The following TLN2 variants were observed in gnomAD, a reference collection of about 807,000 sequenced individuals.
TLN2 encodes the protein talin-2.
In TLN2, 118 loss-of-function variants were observed where a neutral mutation model predicts 294.7. The observed-to-expected ratio is 0.40, with a 90% CI of 0.34 to 0.47. TLN2 has a LOEUF of 0.47. Among genes scored for constraint, TLN2 ranks in the 20% least tolerant of loss-of-function variants. The pLI, the probability that TLN2 is intolerant of heterozygous loss-of-function variation, is 0.84. For synonymous variants in TLN2, 1,431 were observed against 1,304.5 expected (o/e 1.10, Z -2.09); for missense variants, 3,083 against 3,282.2 (o/e 0.94, Z 1.48).
Position 62,414,098 on chromosome 15 carries a change from C to CCATTA in TLN2, c.-238+23416_-238+23420dup, listed in dbSNP as rs2033930867. The stretch of plus-strand genomic sequence containing the variant: ...TGTGGTTTTGGCTGTGGCAGCTGGG[C>CCATTA]CATTACAACTTCATAATCACATGTC... On this transcript the variant is annotated intron_variant, in intron 1 of 58. Coordinates refer to ENST00000636159, the MANE Select transcript of TLN2 (RefSeq NM_015059.3). Among the ~76,000 whole-genome samples, 3 of 124,730 alleles carry CCATTA rather than the reference C, an allele frequency of 2.4e-5. No individual in the cohort carries two copies. The South Asian group carries it at 1.1e-3, about 44-fold the overall frequency. The allele number at this position is 124,730 out of a possible 152,430, so 81.8% of individuals were successfully genotyped here. A position where few individuals can be genotyped will look rare whatever the true frequency, so the allele number is the denominator to read the frequency against.
At chr15:62,836,421 G>A (rs2069593214) in intron 57 of TLN2, among the ~76,000 whole-genome samples, 2 of 152,200 alleles carry the variant, frequency 1.3e-5, no homozygotes, top group South Asian at 4.1e-4. Flanking sequence ...CCCCTAGCCA[G>A]ACCACTCAGG....
chr15:62,622,803 A>G (rs887561281), intron 3 of TLN2, among the ~76,000 whole-genome samples: 4 of 152,194 alleles, frequency 2.6e-5, no homozygotes, highest in Admixed American at 6.5e-5. Context: ...GCACTGTGTC[A>G]TGGACACTCC....
chr15:62,444,505 CAT>C, intron 1 of TLN2, among the ~76,000 whole-genome samples: 1 of 152,320 alleles, frequency 6.6e-6, no homozygotes, highest in Non-Finnish European at 1.5e-5. Context: ...TGAATTGGTC[CAT>C]ATGTCTGCTT....
intron 1 of TLN2, among the ~76,000 whole-genome samples, chr15:62,495,255 C>G (rs149917221): frequency 6.6e-6 from 1 of 152,092 alleles, no homozygotes; most frequent in African/African-American, 2.4e-5. Flanking sequence ...GAGAGATGAA[C>G]GCGATACATG....
intron 1 of TLN2, among the ~76,000 whole-genome samples, chr15:62,537,310 C>T (rs866278665): frequency 5.3e-5 from 8 of 152,138 alleles, no homozygotes; most frequent in African/African-American, 1.7e-4. Flanking sequence ...CCACCGCGCC[C>T]GGCCTGTCAT....
At chr15:62,617,149 C>T (rs2048375626) in intron 2 of TLN2, among the ~76,000 whole-genome samples, 1 of 152,120 alleles carries the variant, frequency 6.6e-6, no homozygotes, top group Non-Finnish European at 1.5e-5. Context: ...TAGGCATTCT[C>T]AGGAGTGGGG....
At chr15:62,768,454 C>T (rs2063155526) in intron 41 of TLN2, among the ~76,000 whole-genome samples, 1 of 152,134 alleles carries the variant, frequency 6.6e-6, no homozygotes, top group South Asian at 2.1e-4. Context: ...GATTTAGAGC[C>T]CGTCCCGGTA....
At chr15:62,760,176 G>T (rs1339485661) in intron 37 of TLN2, among the ~76,000 whole-genome samples, 3 of 152,056 alleles carry the variant, frequency 2.0e-5, no homozygotes, top group African/African-American at 7.3e-5. Context: ...CCTGTCTGGT[G>T]GGGGAAGGGC....
chr15:62,795,634 G>T (rs1022941271), intron 46 of TLN2, among the ~76,000 whole-genome samples: 7 of 152,138 alleles, frequency 4.6e-5, no homozygotes, highest in African/African-American at 1.7e-4. Flanking sequence ...TTCCATCCCA[G>T]CAAAGGTGTG....
Position 62,776,915 on chromosome 15 carries a change from G to A in TLN2, c.5514+5G>A. The A allele has an allele frequency of 6.4e-7, 1 of 1,561,404 alleles. No individual in the cohort carries two copies. Among genetic ancestry groups the A allele is most frequent in the African/African-American group, 1.4e-5 (1 of 72,528 alleles). ...ATTGCAGAAGCCATGAGCAAGGTGG[G>A]CATGGGCTCTAGGGCTCTCTACTCC... On this transcript the variant is annotated splice_donor_5th_base_variant and intron_variant, in intron 43 of 58. Transcript: ENST00000636159.
At chr15:62,562,499 C>A (rs1270269319) in intron 1 of TLN2, among the ~76,000 whole-genome samples, 3 of 151,852 alleles carry the variant, frequency 2.0e-5, no homozygotes, top group Admixed American at 1.3e-4. Context: ...CTTGGCTCTG[C>A]CCCTTCTAGC....
intron 11 of TLN2, among the ~76,000 whole-genome samples, chr15:62,681,485 T>G (rs2056823938): frequency 6.6e-6 from 1 of 152,210 alleles, no homozygotes; most frequent in South Asian, 2.1e-4. Flanking sequence ...ACATCATATT[T>G]TCTTTTATGT....
intron 1 of TLN2, among the ~76,000 whole-genome samples, chr15:62,392,479 C>T (rs1446893918): frequency 6.6e-6 from 1 of 152,170 alleles, no homozygotes; most frequent in African/African-American, 2.4e-5. Context: ...TAAGGTTGCA[C>T]GCTGACCTCC....
In TLN2 at chr15:62,699,379, T is replaced by C. The variant is rs116224043; in HGVS notation, c.1587+512T>C. On this transcript the variant is annotated intron_variant, in intron 16 of 58. Coordinates refer to ENST00000636159, the MANE Select transcript of TLN2 (RefSeq NM_015059.3). ...GTTAAAATGAATGTTGCTGGACTCT[T>C]CCTCTATTTTTTTTTTTTTGGATCT... 4.3e-3 allele frequency among the ~76,000 whole-genome samples: 653 copies of C among 151,900 alleles called. 8 individuals carry two copies. The highest frequency in any genetic ancestry group is 0.014 in the African/African-American group (562 of 41,442).
intron 23 of TLN2, among the ~76,000 whole-genome samples, chr15:62,717,169 T>A (rs2059830107): frequency 6.6e-6 from 1 of 152,192 alleles, no homozygotes; most frequent in African/African-American, 2.4e-5. Context: ...AACTAAGGCT[T>A]CTGAGTGCTG....
At chr15:62,784,969 A>G (rs964697135) in intron 45 of TLN2, 4 of 152,230 alleles carry the variant, frequency 2.6e-5, no homozygotes, top group African/African-American at 9.6e-5. Context: ...TATTCCAGAA[A>G]TGAAGTCCCA....
intron 1 of TLN2, among the ~76,000 whole-genome samples, chr15:62,572,229 G>T (rs2043935171): frequency 6.6e-6 from 1 of 151,902 alleles, no homozygotes; most frequent in Non-Finnish European, 1.5e-5. Context: ...TGCTGTCATT[G>T]TCACCTCCTT....
chr15:62,737,823 C>T (rs1355226325), intron 29 of TLN2, among the ~76,000 whole-genome samples: 5 of 152,314 alleles, frequency 3.3e-5, no homozygotes, highest in African/African-American at 7.2e-5. Flanking sequence ...CCTTCCACCT[C>T]GGCGACCTCA....
chr15:62,768,016 A>C (rs1351006762), intron 41 of TLN2, among the ~76,000 whole-genome samples: 1 of 152,194 alleles, frequency 6.6e-6, no homozygotes, highest in Non-Finnish European at 1.5e-5. Flanking sequence ...ACCTTCTAAA[A>C]GAGAATTTTG....
Sources: allele counts gnomAD v4.1 joint callset (sites outside exome capture counted in the v4.1 genomes callset), GRCh38; gene constraint gnomAD v4.1.1; transcripts MANE v1.5; gene names NCBI Gene and HGNC (gene_info 2026-07-23, HGNC 2026-07-21).